Variants in CYGB observed in about 807,000 individuals in gnomAD.
The protein encoded by CYGB is histoglobin.
A neutral mutation model predicts 20.7 loss-of-function variants in CYGB; 13 were observed. The observed-to-expected ratio is 0.63, with a 90% confidence interval of 0.41 to 1.00. The LOEUF is 1.00. Ranked by LOEUF, CYGB falls within the 50% of genes least tolerant of loss-of-function variation. The pLI, the probability that CYGB is intolerant of heterozygous loss-of-function variation, is 0.00. For missense variants in CYGB, 218 were observed against 257.2 expected, an observed-to-expected ratio of 0.85 and a Z score of 1.04; for synonymous variants, 93 against 107.4, an observed-to-expected ratio of 0.87 and a Z score of 0.83.
upstream of CYGB, chr17:76,537,710 G>T: frequency 6.6e-6 from 3 of 452,164 alleles, no homozygotes; most frequent in Non-Finnish European, 8.7e-6. Flanking sequence ...GTGTGTGTGT[G>T]TGTGTGCGTG....
chr17:76,540,255 G>GGC (rs2074973185), upstream of CYGB: 9 of 1,095,462 alleles, frequency 8.2e-6, no homozygotes, highest in Admixed American at 2.0e-5. The surrounding 1 kb of genome is among the most constrained non-coding windows in gnomAD (Gnocchi z 5.0). Flanking sequence ...GTTGGTCGGG[G>GGC]GGGGGGGGCA....
upstream of CYGB, chr17:76,540,250 T>TGGG (rs774019278): frequency 1.4e-3 from 641 of 466,548 alleles, 134 homozygotes; most frequent in Middle Eastern, 1.9e-3. The surrounding 1 kb of genome is among the most constrained non-coding windows in gnomAD (Gnocchi z 5.0). Context: ...TGGCGGTTGG[T>TGGG]CGGGGGGGGG....
At chr17:76,535,457 G>A (rs1236589460) in intron 1 of CYGB, among the ~76,000 whole-genome samples, 2 of 152,196 alleles carry the variant, frequency 1.3e-5, no homozygotes, top group Non-Finnish European at 2.9e-5. Context: ...CCTGGACAGA[G>A]ACAGGAGGAG....
Position 76,546,046 on chromosome 17 carries a change from G to C in CYGB, c.-53+4816C>G, listed in dbSNP as rs921779142. 6.5e-6 allele frequency: 1 copy of C among 152,904 alleles called. No homozygotes were observed. Among genetic ancestry groups the C allele is most frequent in the Non-Finnish European group, 1.5e-5 (1 of 68,594 alleles). 9.5% of individuals were successfully genotyped at this position (152,904 alleles called of 1,614,324 possible). A position where few individuals can be genotyped will look rare whatever the true frequency, so the allele number is the denominator to read the frequency against. ...TGTCCCAACCTCCAGTGGTGACCTC[G>C]ACCTGGACAGCGCCACTCCCAGCTG... On this transcript the variant is annotated intron_variant, in intron 1 of 3. Coordinates refer to the CYGB transcript ENST00000589145. This position sits in a 1 kb window ranked among gnomAD's most constrained non-coding sequence, Gnocchi z 4.5.
intron 3 of CYGB, chr17:76,529,044 G>GCCCCCCCCC (rs34648121): frequency 2.6e-6 from 2 of 779,744 alleles, no homozygotes; most frequent in African/African-American, 4.7e-5. Flanking sequence ...CAGTCATTGC[G>GCCCCCCCCC]CCCCCCCCCC....
In CYGB at chr17:76,546,956, G is replaced by C. The variant is rs1598217907; in HGVS notation, c.-53+3906C>G. ...AAATCTGACACCAAAGCTTGGGATA[G>C]AGGGGGCCCAAGTCTCGAGTTGGGG... is the stretch of plus-strand genomic sequence containing the variant. On this transcript the variant is annotated intron_variant, in intron 1 of 3. Transcript: ENST00000589145. The surrounding 1 kb of genome is among the most constrained non-coding windows in gnomAD (Gnocchi z 4.5). The C allele has an allele frequency of 6.6e-6, 1 of 152,368 alleles. No homozygotes were observed. The highest frequency in any genetic ancestry group is 1.9e-4 in the East Asian group (1 of 5,192). The allele number at this position is 152,368 out of a possible 1,614,324, so 9.4% of individuals were successfully genotyped here.
chr17:76,540,361 A>G, upstream of CYGB: 2 of 1,275,538 alleles, frequency 1.6e-6, no homozygotes, highest in East Asian at 2.4e-5. The surrounding 1 kb of genome is among the most constrained non-coding windows in gnomAD (Gnocchi z 5.0). Context: ...GAGAGAGCAC[A>G]GTCTCAGAGC....
chr17:76,545,059 T>A, intron 1 of CYGB: 1 of 422,022 alleles, frequency 2.4e-6, no homozygotes, highest in South Asian at 1.6e-5. Context: ...GTGGGCCGGG[T>A]GGGGGGGCTG....
chr17:76,531,866 G>A lies in CYGB; in HGVS notation c.144-175C>T. Reference sequence around the variant, plus strand: ...CATAGACCCTCCTCCCTCTGGCCAAGCCGGCTCACCCCTACCAAGTCTGGC... The same window carrying A: ...CATAGACCCTCCTCCCTCTGGCCAAACCGGCTCACCCCTACCAAGTCTGGC... On this transcript the variant is annotated intron_variant, in intron 1 of 3. Transcript: ENST00000293230. The surrounding 1 kb of genome is among the most constrained non-coding windows in gnomAD (Gnocchi z 7.4). 1 of 583,226 alleles carries A rather than the reference G, an allele frequency of 1.7e-6. No individual in the cohort carries two copies. The highest frequency in any genetic ancestry group is 3.2e-5 in the Admixed American group (1 of 31,362). The allele number at this position is 583,226 out of a possible 1,614,324, so 36.1% of individuals were successfully genotyped here.
At chr17:76,545,259 C>T (rs1248016883) in intron 1 of CYGB, 1 of 456,782 alleles carries the variant, frequency 2.2e-6, no homozygotes, top group Non-Finnish European at 4.4e-6. Flanking sequence ...ACAGAAGGCT[C>T]CTGGGACCCG....
intron 1 of CYGB, chr17:76,550,265 C>CTT (rs1279616888): frequency 1.1e-4 from 14 of 131,036 alleles, no homozygotes; most frequent in African/African-American, 3.4e-4. Flanking sequence ...CTAGAAGGTT[C>CTT]TTTTTTTTTT....
intron 1 of CYGB, among the ~76,000 whole-genome samples, chr17:76,548,035 CAT>C (rs1296032589): frequency 2.6e-5 from 4 of 151,984 alleles, no homozygotes; most frequent in Non-Finnish European, 5.9e-5. Context: ...CAGACATACA[CAT>C]ATACGAACAT....
chr17:76,538,156 G>A (rs888096691), upstream of CYGB: 6 of 159,482 alleles, frequency 3.8e-5, no homozygotes, highest in Admixed American at 6.5e-5. Context: ...GAGCTTTCGC[G>A]GCGAGGCCGA....
chr17:76,543,962 G>A (rs1384138314), intron 1 of CYGB: 3 of 466,660 alleles, frequency 6.4e-6, no homozygotes, highest in South Asian at 1.6e-5. Context: ...TGTTCCAAAC[G>A]GGCAGTAGCG....
chr17:76,543,999 GT>G (rs1380751918), intron 1 of CYGB: 1 of 458,760 alleles, frequency 2.2e-6, no homozygotes, highest in Non-Finnish European at 4.4e-6. Context: ...CCTGACACTT[GT>G]TTTTATCAAT....
intron 1 of CYGB, chr17:76,543,878 T>C (rs1313348714): frequency 2.1e-6 from 1 of 471,034 alleles, no homozygotes; most frequent in Non-Finnish European, 4.4e-6. Flanking sequence ...CTGTGACATG[T>C]CTGCCTGCAG....
Position 76,528,412 on chromosome 17 carries a change from C to T in CYGB, c.*166G>A, listed in dbSNP as rs934207459. On this transcript the variant is annotated 3_prime_UTR_variant, in exon 4 of 4. Transcript: ENST00000293230. The surrounding 1 kb of genome is among the most constrained non-coding windows in gnomAD (Gnocchi z 5.8). ...CCAGGCAGCCAGCGCCGCCTCCCAG[C>T]AGCTCCAGGGGGGGACCCTGGCCGC... The T allele has an allele frequency of 1.7e-6, 1 of 588,572 alleles. No individual in the cohort carries two copies. The highest frequency in any genetic ancestry group is 2.5e-6 in the Non-Finnish European group (1 of 392,238). The allele number at this position is 588,572 out of a possible 1,614,324, so 36.5% of individuals were successfully genotyped here.
In CYGB at chr17:76,531,013, C is replaced by G. The variant is rs1044200194; in HGVS notation, c.505G>C (p.Val169Leu). The change falls in exon 3 of 4, where the codon GTG becomes CTG. Residue 169 changes from valine (V) to leucine (L), a missense_variant. Coordinates refer to ENST00000293230, the MANE Select transcript of CYGB (RefSeq NM_134268.5). This position sits in a 1 kb window ranked among gnomAD's most constrained non-coding sequence, Gnocchi z 7.4. ...TTGGGGACCTGCTGCACCCAGCCCA[C>G]TTCCTTGTAGGCAGCGGTCACGTGG... ...YSHVTAAYKE[V>L]GWVQQVPNAT... The G allele has an allele frequency of 6.2e-7, 1 of 1,613,168 alleles. No homozygotes were observed. The highest frequency in any genetic ancestry group is 8.5e-7 in the Non-Finnish European group (1 of 1,179,590).
At chr17:76,545,510 T>G (rs1356023721) in intron 1 of CYGB, 1 of 388,980 alleles carries the variant, frequency 2.6e-6, no homozygotes, top group East Asian at 7.3e-5. Flanking sequence ...AGCCAAAGGG[T>G]GGGGTCCCTT....
Sources: allele counts gnomAD v4.1 joint callset (sites outside exome capture counted in the v4.1 genomes callset), GRCh38; gene constraint gnomAD v4.1.1; non-coding constraint Gnocchi (gnomAD v3.1); transcripts MANE v1.5; gene names NCBI Gene and HGNC (gene_info 2026-07-23, HGNC 2026-07-21).